PTPRM: variants seen among roughly 807,000 people sequenced by gnomAD.
PTPRM encodes receptor-type tyrosine-protein phosphatase mu.
Under a neutral mutation model 186.7 loss-of-function variants are expected in PTPRM, and 47 were observed. The observed-to-expected ratio is 0.25, with a 90% CI of 0.20 to 0.32. The LOEUF (loss-of-function observed/expected upper bound fraction) is 0.32, where lower values mean the gene tolerates loss of function less well. Among genes scored for constraint, PTPRM ranks in the 10% least tolerant of loss-of-function variants. The pLI is 1.00. For synonymous variants in PTPRM, 668 were observed against 674.9 expected, an observed-to-expected ratio of 0.99 and a Z score of 0.16; for missense variants, 1,494 against 1,865.0, an observed-to-expected ratio of 0.80 and a Z score of 3.66.
At chr18:7,988,831 C>T (rs2083108795) in intron 7 of PTPRM, among the ~76,000 whole-genome samples, 1 of 152,008 alleles carries the variant, frequency 6.6e-6, no homozygotes, top group Admixed American at 6.6e-5. Flanking sequence ...ATTTTGGTTG[C>T]TTCTACCTTT....
At chr18:7,625,995 C>G (rs912436647) in intron 1 of PTPRM, among the ~76,000 whole-genome samples, 2 of 152,138 alleles carry the variant, frequency 1.3e-5, no homozygotes, top group African/African-American at 2.4e-5. Context: ...CCGTTTCAGC[C>G]TCTCAGCTTC....
chr18:7,893,247 GT>G (rs1402194244), intron 3 of PTPRM, among the ~76,000 whole-genome samples: 1 of 152,116 alleles, frequency 6.6e-6, no homozygotes, highest in Non-Finnish European at 1.5e-5. Context: ...GAAAAGAACA[GT>G]TATTACAAGT....
In PTPRM at chr18:8,100,153, T is replaced by A. The variant is rs187929130; in HGVS notation, c.1856+11302T>A. Among the ~76,000 whole-genome samples, 3 of 152,110 alleles carry A rather than the reference T, an allele frequency of 2.0e-5. No individual in the cohort carries two copies. The East Asian group carries it at 5.8e-4, about 30-fold the overall frequency. ...ACTTGTGTGTGTGTGTGTGTGTATG[T>A]GTGGAAACGGAGTCTTACTCTGTCA... On this transcript the variant is annotated intron_variant, in intron 11 of 32. Coordinates refer to ENST00000580170, the MANE Select transcript of PTPRM (RefSeq NM_001105244.2).
intron 14 of PTPRM, among the ~76,000 whole-genome samples, chr18:8,158,376 G>A (rs976155746): frequency 4.6e-5 from 7 of 152,108 alleles, no homozygotes; most frequent in Non-Finnish European, 7.4e-5. Context: ...TCACTTTCTA[G>A]TTCATAAGAG....
At chr18:8,196,361 A>C (rs939101074) in intron 14 of PTPRM, among the ~76,000 whole-genome samples, 1 of 152,154 alleles carries the variant, frequency 6.6e-6, no homozygotes, top group Non-Finnish European at 1.5e-5. Flanking sequence ...TCTGTTCCTT[A>C]GTGCTATTAC....
intron 1 of PTPRM, among the ~76,000 whole-genome samples, chr18:7,765,103 C>A (rs2041957440): frequency 6.6e-6 from 1 of 152,134 alleles, no homozygotes; most frequent in African/African-American, 2.4e-5. Context: ...TAGAATAATA[C>A]TACTGCACAT....
At chr18:8,289,589 CACATATATATATACACACATATATATAT>C (rs2095016473) in intron 19 of PTPRM, among the ~76,000 whole-genome samples, 1 of 110,818 alleles carries the variant, frequency 9.0e-6, no homozygotes, top group Admixed American at 9.1e-5. Flanking sequence ...TATATATATA[CACATATATATATACACACATATATATAT>C]ACACATATAT....
chr18:7,766,239 T>C (rs1818247861), intron 1 of PTPRM, among the ~76,000 whole-genome samples: 1 of 151,754 alleles, frequency 6.6e-6, no homozygotes, highest in Admixed American at 6.5e-5. Context: ...TTTGTAAAAA[T>C]AAGAATGTAC....
At position 8,253,217 on chromosome 18, in the gene PTPRM, C is replaced by A. The variant is rs763268369; in HGVS notation, c.2567-10C>A. On this transcript the variant is annotated splice_polypyrimidine_tract_variant and intron_variant, in intron 18 of 32. Transcript: ENST00000580170. ...TCTCCCTCATTTTCTCCCTGGCCTT[C>A]TTTTCCTAGATGAAACCCACACAAT... The A allele has an allele frequency of 2.0e-5, 29 of 1,418,318 alleles. No homozygotes were observed. The African/African-American group carries it at 3.5e-4, about 17-fold the overall frequency. The allele number at this position is 1,418,318 out of a possible 1,614,324, so 87.9% of individuals were successfully genotyped here.
intron 32 of PTPRM, among the ~76,000 whole-genome samples, chr18:8,405,767 G>A (rs76338374): frequency 0.084 from 12,735 of 152,206 alleles, 750 homozygotes; most frequent in Non-Finnish European, 0.13. Flanking sequence ...TGAAGCACTC[G>A]TTACTTTCTC....
chr18:8,008,092 C>A (rs936796703), intron 7 of PTPRM, among the ~76,000 whole-genome samples: 1 of 152,102 alleles, frequency 6.6e-6, no homozygotes. Context: ...GAAGTGTTTG[C>A]ACTTTGGCTA....
intron 1 of PTPRM, among the ~76,000 whole-genome samples, chr18:7,720,993 T>C (rs1345048008): frequency 6.6e-6 from 1 of 152,154 alleles, no homozygotes; most frequent in East Asian, 1.9e-4. Flanking sequence ...TATACTCAAA[T>C]GGAATGCAGG....
At chr18:7,692,876 C>T (rs1190854186) in intron 1 of PTPRM, among the ~76,000 whole-genome samples, 1 of 152,174 alleles carries the variant, frequency 6.6e-6, no homozygotes, top group Non-Finnish European at 1.5e-5. Context: ...AGAGATGGTA[C>T]ATTTATCCTT....
At chr18:7,673,725 A>T (rs2039270943) in intron 1 of PTPRM, among the ~76,000 whole-genome samples, 1 of 152,256 alleles carries the variant, frequency 6.6e-6, no homozygotes, top group African/African-American at 2.4e-5. Context: ...TGCTTATAAA[A>T]AAAGAAAGAT....
In PTPRM at chr18:8,248,263, C is replaced by T. The variant is rs2094496161; in HGVS notation, c.2554+87C>T. On this transcript the variant is annotated intron_variant, in intron 17 of 32. Transcript: ENST00000580170. ...TCTGTAGGAGATTGGAGTTTTAATTCTGTATAATGCAGTGATTATAAGCAC... is the reference window on the plus strand; with the variant it reads ...TCTGTAGGAGATTGGAGTTTTAATTTTGTATAATGCAGTGATTATAAGCAC... 4 of 1,233,238 alleles carry T rather than the reference C, an allele frequency of 3.2e-6. No individual in the cohort carries two copies. The Admixed American group carries it at 6.7e-5, about 21-fold the overall frequency. 76.4% of individuals were successfully genotyped at this position (1,233,238 alleles called of 1,614,324 possible).
At chr18:7,571,431 G>A (rs535732156) in intron 1 of PTPRM, among the ~76,000 whole-genome samples, 2 of 152,294 alleles carry the variant, frequency 1.3e-5, no homozygotes, top group East Asian at 1.9e-4. Context: ...AGAAACCAAC[G>A]AGTTGGCAAG....
At chr18:7,964,053 T>G (rs1191069451) in intron 7 of PTPRM, among the ~76,000 whole-genome samples, 1 of 152,108 alleles carries the variant, frequency 6.6e-6, no homozygotes, top group Non-Finnish European at 1.5e-5. Context: ...AAAAAAATTA[T>G]TGATGATGAC....
intron 19 of PTPRM, among the ~76,000 whole-genome samples, chr18:8,272,770 A>G (rs980759850): frequency 6.6e-6 from 1 of 152,090 alleles, no homozygotes; most frequent in Non-Finnish European, 1.5e-5. Flanking sequence ...ACAGTGTTTT[A>G]TATATTTTTT....
chr18:8,210,586 T>A (rs1290485502), intron 14 of PTPRM, among the ~76,000 whole-genome samples: 1 of 152,136 alleles, frequency 6.6e-6, no homozygotes, highest in Non-Finnish European at 1.5e-5. Context: ...CAATTTAGGG[T>A]ACTTTTTACA....
Sources: allele counts gnomAD v4.1 joint callset (sites outside exome capture counted in the v4.1 genomes callset), GRCh38; gene constraint gnomAD v4.1.1; transcripts MANE v1.5; gene names NCBI Gene and HGNC (gene_info 2026-07-23, HGNC 2026-07-21).